Variants in AGMO observed in about 807,000 individuals in gnomAD.
AGMO encodes glyceryl-ether monooxygenase.
A neutral mutation model predicts 60.2 loss-of-function variants in AGMO; 75 were observed. That is an observed-to-expected ratio of 1.25 (90% CI 1.03 to 1.51). The LOEUF (loss-of-function observed/expected upper bound fraction) is 1.51. AGMO is among the 40% of genes most tolerant of loss of function. AGMO has a pLI of 0.00. For missense variants in AGMO, 763 were observed against 525.5 expected (o/e 1.45, Z -4.42); for synonymous variants, 261 against 177.1 (o/e 1.47, Z -3.76).
the AGMO span, among the ~76,000 whole-genome samples, chr7:15,126,125 T>A: frequency 1.3e-5 from 2 of 152,090 alleles, no homozygotes; most frequent in African/African-American, 4.8e-5. Flanking sequence ...CATAGCATAA[T>A]AGAAACTACA....
At chr7:15,229,826 A>G (rs1032263977) in intron 12 of AGMO, among the ~76,000 whole-genome samples, 3 of 149,852 alleles carry the variant, frequency 2.0e-5, no homozygotes, top group Non-Finnish European at 4.4e-5. Flanking sequence ...GGAGGCTCAC[A>G]TCTCCTAATA....
chr7:15,348,876 T>C (rs545527674), intron 12 of AGMO, among the ~76,000 whole-genome samples: 5 of 151,980 alleles, frequency 3.3e-5, no homozygotes, highest in Admixed American at 2.6e-4. Flanking sequence ...GAAAAAAAAA[T>C]TGCACCGTGA....
At chr7:15,266,125 C>G (rs1783424309) in intron 12 of AGMO, among the ~76,000 whole-genome samples, 1 of 151,844 alleles carries the variant, frequency 6.6e-6, no homozygotes, top group Admixed American at 6.6e-5. Flanking sequence ...GACAGGGGAT[C>G]AGGGGAGAAG....
At chr7:15,284,648 G>C (rs1784053239) in intron 12 of AGMO, among the ~76,000 whole-genome samples, 1 of 151,940 alleles carries the variant, frequency 6.6e-6, no homozygotes, top group East Asian at 1.9e-4. Context: ...GACAGTCAAA[G>C]AAAAATTGGG....
Position 15,455,537 on chromosome 7 carries a change from C to A in AGMO, c.410-24429G>T, listed in dbSNP as rs546495722. Among the ~76,000 whole-genome samples, 18 of 152,204 alleles carry A rather than the reference C, an allele frequency of 1.2e-4. No homozygotes were observed. In the South Asian group the frequency reaches 3.7e-3, roughly 32 times the overall value. ...TGATGGTTTTCCTTTTTACAAGATG[C>A]CGCTTTATTCTCCTCTATTTATTCC... On this transcript the variant is annotated intron_variant, in intron 3 of 12. Transcript: ENST00000342526.
the AGMO span, among the ~76,000 whole-genome samples, chr7:15,144,190 G>C: frequency 1.3e-5 from 2 of 151,784 alleles, no homozygotes. Context: ...TTTTTCTTAA[G>C]TCTAGAAACT....
chr7:15,223,752 G>C (rs1781990453), intron 12 of AGMO, among the ~76,000 whole-genome samples: 1 of 151,724 alleles, frequency 6.6e-6, no homozygotes, highest in Non-Finnish European at 1.5e-5. Context: ...ATTAATACCT[G>C]CCCCATCCAT....
intron 3 of AGMO, among the ~76,000 whole-genome samples, chr7:15,465,440 T>C (rs1782256670): frequency 6.6e-6 from 1 of 151,118 alleles, no homozygotes; most frequent in Non-Finnish European, 1.5e-5. Context: ...TGAATTTTTT[T>C]GAGACAAGAT....
intron 12 of AGMO, among the ~76,000 whole-genome samples, chr7:15,264,260 C>T (rs1783367660): frequency 6.6e-6 from 1 of 151,614 alleles, no homozygotes. Context: ...ATATTTTACC[C>T]CTTCAATCAT....
At chr7:15,348,114 T>A (rs1014642997) in intron 12 of AGMO, among the ~76,000 whole-genome samples, 3 of 152,164 alleles carry the variant, frequency 2.0e-5, no homozygotes, top group South Asian at 2.1e-4. Flanking sequence ...TAATATTGTA[T>A]CAGAGATGGA....
chr7:15,197,419 T>C (rs74572324), downstream of AGMO, among the ~76,000 whole-genome samples: 6,455 of 152,290 alleles, frequency 0.042, 170 homozygotes, highest in Middle Eastern at 0.085. Flanking sequence ...AAGCTGTTAA[T>C]GTTAAATACA....
At chr7:15,323,336 A>T (rs1376983180) in intron 12 of AGMO, among the ~76,000 whole-genome samples, 2 of 152,146 alleles carry the variant, frequency 1.3e-5, no homozygotes, top group Non-Finnish European at 2.9e-5. Flanking sequence ...TATTTTTGTT[A>T]ATACATTGAT....
At chr7:15,354,501 T>TGTAC (rs1782439372) in intron 12 of AGMO, among the ~76,000 whole-genome samples, 1 of 18,612 alleles carries the variant, frequency 5.4e-5, no homozygotes, top group African/African-American at 1.7e-4. Flanking sequence ...CACGTGTATA[T>TGTAC]ATATATATAT....
intron 12 of AGMO, among the ~76,000 whole-genome samples, chr7:15,204,526 C>T (rs1781390518): frequency 6.6e-6 from 1 of 152,186 alleles, no homozygotes; most frequent in East Asian, 1.9e-4. Context: ...AAACTCAATG[C>T]ACACTTATTG....
chr7:15,320,275 TAAAA>T lies in AGMO; in HGVS notation c.1263+45235_1263+45238del, dbSNP rs202087216. On this transcript the variant is annotated intron_variant, in intron 12 of 12. Coordinates refer to ENST00000342526, the MANE Select transcript of AGMO (RefSeq NM_001004320.2). ...ATAAAGTATAATAAAAATATACACA[TAAAA>T]TAAATAAATAAATAAAATATAATGT... Among the ~76,000 whole-genome samples the T allele has an allele frequency of 8.2e-3, 1,252 of 151,858 alleles. 9 individuals carry two copies. Among genetic ancestry groups the T allele is most frequent in the African/African-American group, 0.029 (1,183 of 41,390 alleles).
chr7:15,270,980 T>C (rs1783587661), intron 12 of AGMO, among the ~76,000 whole-genome samples: 1 of 152,030 alleles, frequency 6.6e-6, no homozygotes, highest in African/African-American at 2.4e-5. Flanking sequence ...TGTAGGTATG[T>C]GCCTTTATTT....
At chr7:15,268,962 A>G (rs1262724430) in intron 12 of AGMO, among the ~76,000 whole-genome samples, 3 of 152,090 alleles carry the variant, frequency 2.0e-5, no homozygotes, top group African/African-American at 7.2e-5. Context: ...TAAACAAACA[A>G]TGAGGCCAGT....
intron 12 of AGMO, among the ~76,000 whole-genome samples, chr7:15,228,593 G>C (rs112357574): frequency 6.6e-6 from 1 of 152,164 alleles, no homozygotes; most frequent in African/African-American, 2.4e-5. Context: ...AAAAGTGAAA[G>C]AGCAAGTCAT....
At chr7:15,316,993 A>G (rs1320161326) in intron 12 of AGMO, among the ~76,000 whole-genome samples, 1 of 152,214 alleles carries the variant, frequency 6.6e-6, no homozygotes, top group Non-Finnish European at 1.5e-5. Context: ...ACATAAGCAA[A>G]AGGAAATGCA....
Sources: allele counts gnomAD v4.1 joint callset (sites outside exome capture counted in the v4.1 genomes callset), GRCh38; gene constraint gnomAD v4.1.1; transcripts MANE v1.5; gene names NCBI Gene and HGNC (gene_info 2026-07-23, HGNC 2026-07-21).